ARHGEF37: variants seen among roughly 807,000 people sequenced by gnomAD.
ARHGEF37 encodes Rho guanine nucleotide exchange factor (GEF) 37.
ARHGEF37 carries 55 observed loss-of-function variants against 71.1 expected under a neutral mutation model. The ratio of observed to expected loss-of-function variants is 0.77; its 90% CI spans 0.62 to 0.97. The LOEUF is 0.97. Ranked by LOEUF, ARHGEF37 falls within the 50% of genes least tolerant of loss-of-function variation. The pLI, the probability that ARHGEF37 is intolerant of heterozygous loss-of-function variation, is 0.00. For missense variants in ARHGEF37, 765 were observed against 836.8 expected (o/e 0.91, Z 1.06); for synonymous variants, 327 against 350.6 (o/e 0.93, Z 0.75).
intron 12 of ARHGEF37, among the ~76,000 whole-genome samples, chr5:149,629,740 A>C (rs1187839202): frequency 6.6e-6 from 1 of 152,230 alleles, no homozygotes; most frequent in Non-Finnish European, 1.5e-5. Context: ...CAGCATGTGT[A>C]TGCGTGTTCA....
chr5:149,602,890 C>T (rs991755886), intron 3 of ARHGEF37, among the ~76,000 whole-genome samples: 3 of 152,004 alleles, frequency 2.0e-5, no homozygotes, highest in Non-Finnish European at 4.4e-5. Context: ...TTCCTGAACA[C>T]GAATGATGAG....
At chr5:149,591,973 G>A (rs936364029) in intron 1 of ARHGEF37, among the ~76,000 whole-genome samples, 2 of 152,062 alleles carry the variant, frequency 1.3e-5, no homozygotes, top group African/African-American at 2.4e-5. Flanking sequence ...ATTGTAAGTC[G>A]AAGAGCATCT....
intron 1 of ARHGEF37, among the ~76,000 whole-genome samples, chr5:149,552,930 G>A (rs1018695256): frequency 2.0e-5 from 3 of 152,084 alleles, no homozygotes; most frequent in African/African-American, 7.2e-5. Context: ...GGTTCATCTC[G>A]GAAGACAACT....
At chr5:149,616,514 CT>C in intron 4 of ARHGEF37, 52 bp from the exon 5 acceptor site, 3 of 1,533,626 alleles carry the variant, frequency 2.0e-6, no homozygotes, top group Non-Finnish European at 2.7e-6. Context: ...CCCAGGCCCC[CT>C]GGTCCTCCAG....
In ARHGEF37 at chr5:149,621,921, C is replaced by G; in HGVS notation, c.1194C>G (p.Leu398=). 6.2e-7 allele frequency: 1 copy of G among 1,614,244 alleles called. No homozygotes were observed. The highest frequency in any genetic ancestry group is 8.5e-7 in the Non-Finnish European group (1 of 1,180,040). Residue 398 remains leucine, a synonymous_variant, in exon 9 of 13, where the codon CTC becomes CTG. Transcript: ENST00000333677. ...CCGCCCGGCACACATACCAGGCACTCAACTCGCTGCTAGTGGCTGAGCTCC... is the reference window on the plus strand; with the variant it reads ...CCGCCCGGCACACATACCAGGCACTGAACTCGCTGCTAGTGGCTGAGCTCC... ...EEAARHTYQA[L]NSLLVAELPQ...
chr5:149,592,800 C>T (rs566405351), intron 1 of ARHGEF37, among the ~76,000 whole-genome samples: 1 of 152,228 alleles, frequency 6.6e-6, no homozygotes, highest in South Asian at 2.1e-4. Flanking sequence ...GATGGAGTCT[C>T]GCTCTGTCAT....
In ARHGEF37 at chr5:149,597,944, C is replaced by T. The variant is rs200527896; in HGVS notation, c.175C>T (p.Arg59Cys). The change falls in exon 2 of 13, where the codon CGC becomes TGC. Residue 59 changes from arginine (R) to cysteine (C), a missense_variant. By Grantham distance (180) the Arg-to-Cys change is radical. Coordinates refer to ENST00000333677, the MANE Select transcript of ARHGEF37 (RefSeq NM_001001669.3). The stretch of plus-strand genomic sequence containing the variant: ...GCTCTGTGCCTCTGACATCAGGAGC[C>T]GCCTCCAGCAGGTACTTGGGTGGGG... ...LQLCASDIRS[R>C]LQQLPQGDLD... 7.0e-5 allele frequency: 111 copies of T among 1,591,030 alleles called. No individual in the cohort carries two copies. The East Asian group carries it at 1.1e-3, about 16-fold the overall frequency.
Position 149,622,021 on chromosome 5 carries a change from G to A in ARHGEF37, c.1294G>A (p.Ala432Thr), listed in dbSNP as rs1352571107. The change falls in exon 9 of 13, where the codon GCA becomes ACA. Residue 432 changes from alanine (A) to threonine (T), a missense_variant. Ala to Thr is a moderately conservative substitution (Grantham distance 58, BLOSUM62 0). Transcript: ENST00000333677. ...ATTCGTGACCCTCCAGAGGGACCTT[G>A]CAAAGCAAGTGCTGCAGAGGGCAGA... ...CTFVTLQRDLAKQVLQRAEGS... is the reference protein window; with the variant it reads ...CTFVTLQRDLTKQVLQRAEGS... 2 of 1,613,894 alleles carry A rather than the reference G, an allele frequency of 1.2e-6. No homozygotes were observed. Among genetic ancestry groups the A allele is most frequent in the South Asian group, 2.2e-5 (2 of 91,038 alleles).
intron 11 of ARHGEF37, among the ~76,000 whole-genome samples, chr5:149,627,970 A>T (rs1206396733): frequency 6.6e-6 from 1 of 152,286 alleles, no homozygotes; most frequent in Non-Finnish European, 1.5e-5. Flanking sequence ...TAAGTAGTCC[A>T]TAATTCCATG....
chr5:149,578,601 C>G (rs143127844), upstream of ARHGEF37, among the ~76,000 whole-genome samples: 563 of 152,308 alleles, frequency 3.7e-3, 2 homozygotes, highest in African/African-American at 0.013. Flanking sequence ...TAAGCTAACC[C>G]TGACAGTATA....
At chr5:149,598,375 T>C (rs949306414) in intron 2 of ARHGEF37, among the ~76,000 whole-genome samples, 17 of 112,536 alleles carry the variant, frequency 1.5e-4, no homozygotes, top group Non-Finnish European at 2.7e-4. Flanking sequence ...CTTCTTCCTC[T>C]TCCTCTTCTT....
intron 4 of ARHGEF37, among the ~76,000 whole-genome samples, chr5:149,614,029 G>T (rs571340135): frequency 6.6e-6 from 1 of 151,726 alleles, no homozygotes; most frequent in Admixed American, 6.6e-5. Flanking sequence ...TTCCCAAAGG[G>T]CTAGGATTAC....
chr5:149,580,085 G>A (rs1374914679), upstream of ARHGEF37, among the ~76,000 whole-genome samples: 4 of 151,616 alleles, frequency 2.6e-5, no homozygotes, highest in Non-Finnish European at 4.4e-5. Flanking sequence ...TTTTCGAGAC[G>A]GAGTCTCGCT....
Position 149,558,102 on chromosome 5 carries a change from C to T in ARHGEF37, c.-12+5979C>T, listed in dbSNP as rs112314949. Reference sequence around the variant, plus strand: ...TGTTAGGCTGGTCTCAAACTCCTGACCTCAGGTGATCCACCTGACTTGGCC... The same window carrying T: ...TGTTAGGCTGGTCTCAAACTCCTGATCTCAGGTGATCCACCTGACTTGGCC... On this transcript the variant is annotated intron_variant, in intron 1 of 2. Transcript: ENST00000505810. Among the ~76,000 whole-genome samples the T allele has an allele frequency of 8.1e-4, 123 of 152,224 alleles. 2 individuals are homozygous for T. Among genetic ancestry groups the T allele is most frequent in the African/African-American group, 2.7e-3 (114 of 41,554 alleles).
At chr5:149,551,692 A>C (rs1339172494), upstream of ARHGEF37, 1 of 152,510 alleles carries the variant, frequency 6.6e-6, no homozygotes, top group Admixed American at 6.5e-5. Context: ...GGTCTCTGGA[A>C]GGCTGAGTGG....
chr5:149,565,829 A>ATTTTTTTTTTTTTTTTTTTTTTTTTTTTT (rs201683478), intron 1 of ARHGEF37, among the ~76,000 whole-genome samples: 3 of 84,580 alleles, frequency 3.5e-5, no homozygotes, highest in Non-Finnish European at 5.3e-5. Flanking sequence ...AGAAACTCTA[A>ATTTTTTTTTTTTTTTTTTTTTTTTTTTTT]TTTTTTTTTT....
chr5:149,563,378 G>T (rs542863344), intron 1 of ARHGEF37, among the ~76,000 whole-genome samples: 1 of 152,176 alleles, frequency 6.6e-6, no homozygotes, highest in Non-Finnish European at 1.5e-5. Context: ...GCAAATGATA[G>T]ACTTAAGACT....
intron 9 of ARHGEF37, among the ~76,000 whole-genome samples, chr5:149,623,347 C>T (rs868550003): frequency 4.6e-5 from 7 of 152,186 alleles, no homozygotes; most frequent in African/African-American, 1.4e-4. Context: ...GGACTGCAAG[C>T]TTTTTCTCTT....
At chr5:149,629,109 T>C in intron 12 of ARHGEF37, 143 bp downstream of exon 12, 1 of 1,114,726 alleles carries the variant, frequency 9.0e-7, no homozygotes, top group African/African-American at 1.6e-5. Context: ...TCAATGGCCA[T>C]GCCAGTGTCC....
Sources: gnomAD v4.1 joint callset for allele counts (sites outside exome capture counted in the v4.1 genomes callset) on GRCh38, gnomAD v4.1.1 for gene constraint, MANE v1.5 for transcripts, NCBI Gene and HGNC (gene_info 2026-07-23, HGNC 2026-07-21) for gene names.